CHST9: variants seen among roughly 807,000 people sequenced by gnomAD.
CHST9 encodes the protein GalNAc-4-sulfotransferase 2.
Under a neutral mutation model 44.4 loss-of-function variants are expected in CHST9, and 41 were observed. The ratio of observed to expected loss-of-function variants is 0.92; its 90% CI spans 0.72 to 1.20. CHST9 has a LOEUF of 1.20. Ranked by LOEUF, CHST9 falls within the 50% of genes most tolerant of loss-of-function variation. The pLI is 0.00. For synonymous variants in CHST9, 171 were observed against 178.4 expected (o/e 0.96, Z 0.33); for missense variants, 504 against 516.5 (o/e 0.98, Z 0.23).
chr18:26,964,675 T>C (rs1207059424), intron 4 of CHST9, among the ~76,000 whole-genome samples: 1 of 152,188 alleles, frequency 6.6e-6, no homozygotes, highest in Non-Finnish European at 1.5e-5. Flanking sequence ...AGCAGAGCAG[T>C]CTTGTCCACT....
chr18:26,925,311 G>A (rs112875405), intron 5 of CHST9, among the ~76,000 whole-genome samples: 1,665 of 152,052 alleles, frequency 0.011, 26 homozygotes, highest in African/African-American at 0.03. Context: ...AGACTAGGGG[G>A]CATGGAGCAA....
intron 2 of CHST9, among the ~76,000 whole-genome samples, chr18:27,080,550 G>A (rs1009818367): frequency 6.6e-6 from 1 of 152,110 alleles, no homozygotes; most frequent in Non-Finnish European, 1.5e-5. Flanking sequence ...CTCATGCTGA[G>A]TTGCATATAA....
rs552704972 is a variant in CHST9, at chr18:26,916,377, G to A, written c.1214C>T (p.Thr405Ile). ...FKDRHSSDER[T>I]NAQVVRQYLK... ...ATACTGTCTCACGACTTGAGCATTG[G>A]TTCTTTCATCGGAAGAGTGCCTATC... Residue 405 changes from threonine (T) to isoleucine (I), a missense_variant, in exon 6 of 6, where the codon ACC becomes ATC. Physicochemically the swap from Thr to Ile is moderately conservative, Grantham distance 89 (BLOSUM62 -1). Transcript: ENST00000618847. The A allele has an allele frequency of 1.9e-6, 3 of 1,613,770 alleles. No homozygotes were observed. The highest frequency in any genetic ancestry group is 2.2e-5 in the East Asian group (1 of 44,876).
chr18:27,042,782 T>TA (rs2057459971), intron 3 of CHST9, among the ~76,000 whole-genome samples: 1 of 151,786 alleles, frequency 6.6e-6, no homozygotes, highest in Non-Finnish European at 1.5e-5. Context: ...TATCTCTCTC[T>TA]CTCTCTCCCT....
chr18:27,029,698 A>G (rs1458989018), intron 3 of CHST9, among the ~76,000 whole-genome samples: 1 of 152,182 alleles, frequency 6.6e-6, no homozygotes, highest in Non-Finnish European at 1.5e-5. Flanking sequence ...TGCTATGTTC[A>G]TAGTTGTGAT....
intron 2 of CHST9, among the ~76,000 whole-genome samples, chr18:27,061,870 A>G (rs541610864): frequency 4.6e-5 from 7 of 152,082 alleles, no homozygotes; most frequent in Non-Finnish European, 1.0e-4. Context: ...AAGTAATTAG[A>G]CTTCTAGAAT....
chr18:27,146,506 A>G (rs1051215613), intron 1 of CHST9, among the ~76,000 whole-genome samples: 8 of 152,202 alleles, frequency 5.3e-5, no homozygotes, highest in African/African-American at 1.9e-4. Context: ...TGGAGATCAT[A>G]TATCTATCTC....
At chr18:27,183,868 A>G (rs535685055) in intron 1 of CHST9, among the ~76,000 whole-genome samples, 1 of 152,274 alleles carries the variant, frequency 6.6e-6, no homozygotes, top group East Asian at 1.9e-4. Context: ...ATATGGTGTT[A>G]TGATTAGGTA....
chr18:26,958,922 A>C (rs568093391), intron 4 of CHST9, among the ~76,000 whole-genome samples: 1 of 152,342 alleles, frequency 6.6e-6, no homozygotes, highest in South Asian at 2.1e-4. Context: ...ATTTCTCAAA[A>C]AACTTAAAAT....
intron 2 of CHST9, among the ~76,000 whole-genome samples, chr18:27,050,984 G>T (rs938798294): frequency 6.6e-6 from 1 of 152,170 alleles, no homozygotes; most frequent in Admixed American, 6.5e-5. Flanking sequence ...AGTGATCAAG[G>T]TATCCCAAAT....
At chr18:27,174,139 T>C (rs2058851216) in intron 1 of CHST9, among the ~76,000 whole-genome samples, 1 of 151,992 alleles carries the variant, frequency 6.6e-6, no homozygotes, top group Non-Finnish European at 1.5e-5. Context: ...ATTCCTTCCA[T>C]TGTTCCAATA....
chr18:27,116,905 C>G (rs957216734), intron 2 of CHST9, among the ~76,000 whole-genome samples: 2 of 151,956 alleles, frequency 1.3e-5, no homozygotes, highest in African/African-American at 4.8e-5. Flanking sequence ...TTGTTCATTA[C>G]TAGTATATAG....
At chr18:26,953,288 G>A (rs1346128050) in intron 4 of CHST9, among the ~76,000 whole-genome samples, 1 of 152,222 alleles carries the variant, frequency 6.6e-6, no homozygotes, top group East Asian at 1.9e-4. Flanking sequence ...ATGGATGGAA[G>A]TTGGGGAGAA....
intron 1 of CHST9, among the ~76,000 whole-genome samples, chr18:27,143,593 TA>T (rs1490149561): frequency 4.4e-5 from 6 of 135,154 alleles, no homozygotes; most frequent in Non-Finnish European, 1.0e-4. Context: ...CTTAACCTTT[TA>T]TTTTTTTTAA....
intron 4 of CHST9, among the ~76,000 whole-genome samples, chr18:27,014,959 G>A (rs1327311868): frequency 6.6e-6 from 1 of 151,944 alleles, no homozygotes; most frequent in African/African-American, 2.4e-5. Context: ...GGTCACCAAG[G>A]ACTCTGCCCT....
At position 27,094,706 on chromosome 18, in the gene CHST9, C is replaced by T. The variant is rs1412152043; in HGVS notation, c.122-46203G>A. Among the ~76,000 whole-genome samples the T allele has an allele frequency of 3.3e-5, 5 of 152,154 alleles. No homozygotes were observed. The East Asian group carries it at 9.6e-4, about 29-fold the overall frequency. On this transcript the variant is annotated intron_variant, in intron 2 of 5. Coordinates refer to ENST00000618847, the MANE Select transcript of CHST9 (RefSeq NM_031422.6). ...TATAATAATAGATACAAAGCTTGGACATTTTTACTCCAATTAACCCTCATG... is the reference window on the plus strand; with the variant it reads ...TATAATAATAGATACAAAGCTTGGATATTTTTACTCCAATTAACCCTCATG...
chr18:27,172,679 T>C (rs1343856423), intron 1 of CHST9, among the ~76,000 whole-genome samples: 25 of 152,032 alleles, frequency 1.6e-4, no homozygotes, highest in Non-Finnish European at 7.4e-5. Context: ...CTCAAGATAG[T>C]GTAGGCTGGC....
At chr18:27,123,143 T>C (rs2058389478) in intron 2 of CHST9, among the ~76,000 whole-genome samples, 1 of 152,208 alleles carries the variant, frequency 6.6e-6, no homozygotes, top group Non-Finnish European at 1.5e-5. Flanking sequence ...GTGGGGATTC[T>C]ATCAGTGCTG....
chr18:26,975,091 A>G (rs1473954051), intron 4 of CHST9, among the ~76,000 whole-genome samples: 1 of 152,188 alleles, frequency 6.6e-6, no homozygotes, highest in African/African-American at 2.4e-5. Context: ...TCTTTTGATA[A>G]CACACCTACT....
Sources: allele counts gnomAD v4.1 joint callset (sites outside exome capture counted in the v4.1 genomes callset), GRCh38; gene constraint gnomAD v4.1.1; transcripts MANE v1.5; gene names NCBI Gene and HGNC (gene_info 2026-07-23, HGNC 2026-07-21).